The following PPM1A variants were observed in gnomAD, a reference collection of about 807,000 sequenced individuals.
PPM1A encodes protein phosphatase 1A.
A neutral mutation model predicts 35.0 loss-of-function variants in PPM1A; 7 were observed. That is an observed-to-expected ratio of 0.20 (90% CI 0.11 to 0.38). The LOEUF (loss-of-function observed/expected upper bound fraction) is 0.38, where lower values mean the gene tolerates loss of function less well. Among genes scored for constraint, PPM1A ranks in the 10% least tolerant of loss-of-function variants. The pLI, the probability that PPM1A is intolerant of heterozygous loss-of-function variation, is 1.00. For missense variants in PPM1A, 239 were observed against 467.8 expected (o/e 0.51, Z 4.51); for synonymous variants, 153 against 167.3 (o/e 0.91, Z 0.66).
chr14:60,249,118 G>T, upstream of PPM1A: 1 of 622,358 alleles, frequency 1.6e-6, no homozygotes, highest in South Asian at 6.9e-5. This position sits in a 1 kb window ranked among gnomAD's most constrained non-coding sequence, Gnocchi z 4.5. Context: ...GTAGCTGCGC[G>T]CCGCGCCGCA....
rs1431517533 is a variant in PPM1A, at chr14:60,298,045, AC to A, written c.*5564del. 1 of 151,628 alleles carries A rather than the reference AC, an allele frequency of 6.6e-6. No homozygotes were observed. The highest frequency in any genetic ancestry group is 1.5e-5 in the Non-Finnish European group (1 of 67,688). 9.4% of individuals were successfully genotyped at this position (151,628 alleles called of 1,614,324 possible). ...AGATAGGGGACCTGGCTAGAATCTG[AC>A]ATTAAAATATACTTTTTAAAAAATA... is the stretch of plus-strand genomic sequence containing the variant. On this transcript the variant is annotated 3_prime_UTR_variant, in exon 6 of 6. Coordinates refer to ENST00000395076, the MANE Select transcript of PPM1A (RefSeq NM_021003.5).
upstream of PPM1A, chr14:60,249,186 A>G (rs1010221365): frequency 1.0e-6 from 1 of 972,320 alleles, no homozygotes; most frequent in Non-Finnish European, 1.2e-6. The surrounding 1 kb of genome is among the most constrained non-coding windows in gnomAD (Gnocchi z 4.5). Context: ...GGGAGGGGCG[A>G]CGCGGTCGTG....
Position 60,291,753 on chromosome 14 carries a change from T to G in PPM1A, c.1119+299T>G, listed in dbSNP as rs865783884. On this transcript the variant is annotated intron_variant, in intron 5 of 5. Transcript: ENST00000395076. Reference sequence around the variant, plus strand: ...GAAGGTTTGCCTCCACTACATGGTTTTTTTTTTTTTTTTTTCCCGAAGTTG... The same window carrying G: ...GAAGGTTTGCCTCCACTACATGGTTGTTTTTTTTTTTTTTTCCCGAAGTTG... Among the ~76,000 whole-genome samples the G allele has an allele frequency of 9.5e-3, 1,431 of 151,252 alleles. 10 individuals carry two copies. The highest frequency in any genetic ancestry group is 0.013 in the Non-Finnish European group (865 of 67,646).
chr14:60,287,558 T>TTC (rs770539132), intron 3 of PPM1A: 69 of 985,326 alleles, frequency 7.0e-5, no homozygotes, highest in Admixed American at 1.2e-4. Flanking sequence ...CCTTTTTCTT[T>TTC]TCTCTCTCTC....
chr14:60,255,201 T>C (rs950396627), intron 1 of PPM1A, among the ~76,000 whole-genome samples: 2 of 140,478 alleles, frequency 1.4e-5, no homozygotes, highest in African/African-American at 5.9e-5. Context: ...AGACAGAGTC[T>C]CGCTCTGTCG....
At chr14:60,279,228 C>T (rs1886103901) in intron 1 of PPM1A, among the ~76,000 whole-genome samples, 1 of 152,200 alleles carries the variant, frequency 6.6e-6, no homozygotes, top group Admixed American at 6.5e-5. Context: ...AAACAATTCT[C>T]CTGCCTCAGC....
intron 1 of PPM1A, among the ~76,000 whole-genome samples, chr14:60,278,885 G>A (rs1886064332): frequency 6.6e-6 from 1 of 152,188 alleles, no homozygotes; most frequent in African/African-American, 2.4e-5. Context: ...CTAATGAGCA[G>A]TTAGGTTATT....
At position 60,296,107 on chromosome 14, in the gene PPM1A, A is replaced by T. The variant is rs554695201; in HGVS notation, c.*3625A>T. Reference sequence around the variant, plus strand: ...GGTGGGGTTTGAGTTTAAGGCATTTAAAAATGTAAATATCTCTAGCTAAAT... The same window carrying T: ...GGTGGGGTTTGAGTTTAAGGCATTTTAAAATGTAAATATCTCTAGCTAAAT... On this transcript the variant is annotated 3_prime_UTR_variant, in exon 6 of 6. Transcript: ENST00000395076. This position sits in a 1 kb window ranked among gnomAD's most constrained non-coding sequence, Gnocchi z 4.4. The T allele has an allele frequency of 6.6e-6, 1 of 151,786 alleles. No homozygotes were observed. Among genetic ancestry groups the T allele is most frequent in the African/African-American group, 2.4e-5 (1 of 41,518 alleles). The allele number at this position is 151,786 out of a possible 1,614,324, so 9.4% of individuals were successfully genotyped here.
In PPM1A at chr14:60,268,434, A is replaced by T. The variant is rs193293535; in HGVS notation, c.-20-14250A>T. ...TTACAACAATAAAATTCTATTTGTGAGGTGAGTATAGCCTGTTTGGCTTCT... is the reference window on the plus strand; with the variant it reads ...TTACAACAATAAAATTCTATTTGTGTGGTGAGTATAGCCTGTTTGGCTTCT... On this transcript the variant is annotated intron_variant, in intron 1 of 5. Transcript: ENST00000395076. 310 of 957,396 alleles carry T rather than the reference A, an allele frequency of 3.2e-4. 1 individual carries two copies. In the Middle Eastern group the frequency reaches 5.4e-3, roughly 17 times the overall value. 59.3% of individuals were successfully genotyped at this position (957,396 alleles called of 1,614,324 possible). A position where few individuals can be genotyped will look rare whatever the true frequency, so the allele number is the denominator to read the frequency against.
At chr14:60,286,680 A>T (rs1408243779) in intron 3 of PPM1A, 2 of 984,166 alleles carry the variant, frequency 2.0e-6, no homozygotes, top group South Asian at 9.4e-5. Flanking sequence ...ACTCACTTTA[A>T]TTTTTTTTCC....
chr14:60,292,772 T>C lies in PPM1A; in HGVS notation c.*290T>C, dbSNP rs1439969055. On this transcript the variant is annotated 3_prime_UTR_variant, in exon 6 of 6. Coordinates refer to ENST00000395076, the MANE Select transcript of PPM1A (RefSeq NM_021003.5). This position sits in a 1 kb window ranked among gnomAD's most constrained non-coding sequence, Gnocchi z 4.2. Reference sequence around the variant, plus strand: ...ATTTTGTTTTTTTGTAAAGTGTAATTGTCCTTGTACAAAATGCTCATATTT... The same window carrying C: ...ATTTTGTTTTTTTGTAAAGTGTAATCGTCCTTGTACAAAATGCTCATATTT... 3 of 300,654 alleles carry C rather than the reference T, an allele frequency of 1.0e-5. No individual in the cohort carries two copies. Among genetic ancestry groups the C allele is most frequent in the African/African-American group, 6.5e-5 (3 of 46,028 alleles). The allele number at this position is 300,654 out of a possible 1,614,324, so 18.6% of individuals were successfully genotyped here.
chr14:60,263,972 TAA>T (rs1235170030), intron 1 of PPM1A, among the ~76,000 whole-genome samples: 1 of 151,834 alleles, frequency 6.6e-6, no homozygotes. Context: ...TTTTTTAGCA[TAA>T]AAGAGTTTCA....
Position 60,292,344 on chromosome 14 carries a change from A to G in PPM1A, c.1120-109A>G. Reference sequence around the variant, plus strand: ...ATACTTTAAAAAACATTTATATTCTAAAAGTCATCTTTACAGAACATTATC... The same window carrying G: ...ATACTTTAAAAAACATTTATATTCTGAAAGTCATCTTTACAGAACATTATC... On this transcript the variant is annotated intron_variant, in intron 5 of 5. Transcript: ENST00000395076. This position sits in a 1 kb window ranked among gnomAD's most constrained non-coding sequence, Gnocchi z 4.2. 1 of 779,136 alleles carries G rather than the reference A, an allele frequency of 1.3e-6. No homozygotes were observed. Among genetic ancestry groups the G allele is most frequent in the Non-Finnish European group, 2.1e-6 (1 of 471,086 alleles). 48.3% of individuals were successfully genotyped at this position (779,136 alleles called of 1,614,324 possible). A position where few individuals can be genotyped will look rare whatever the true frequency, so the allele number is the denominator to read the frequency against.
chr14:60,265,508 T>C (rs1206444915), intron 1 of PPM1A, among the ~76,000 whole-genome samples: 1 of 152,240 alleles, frequency 6.6e-6, no homozygotes, highest in African/African-American at 2.4e-5. Flanking sequence ...TTTTTTAATA[T>C]TTTGTTTGTA....
rs560140282 is a variant in PPM1A at position 60,278,372 on chromosome 14, A to G, written c.-20-4312A>G. Among the ~76,000 whole-genome samples, 41 of 146,942 alleles carry G rather than the reference A, an allele frequency of 2.8e-4. No homozygotes were observed. The South Asian group carries it at 8.3e-3, about 30-fold the overall frequency. Reference sequence around the variant, plus strand: ...TTTTTTTTGACTTCTTAGTACAGGTAACTTTTGAAGGAATTCAGCTTACCT... The same window carrying G: ...TTTTTTTTGACTTCTTAGTACAGGTGACTTTTGAAGGAATTCAGCTTACCT... On this transcript the variant is annotated intron_variant, in intron 1 of 5. Transcript: ENST00000395076.
chr14:60,261,014 G>A (rs1295365567), intron 1 of PPM1A, among the ~76,000 whole-genome samples: 2 of 152,090 alleles, frequency 1.3e-5, no homozygotes, highest in African/African-American at 4.8e-5. Context: ...TTTTCACTGT[G>A]AATTGTTCAG....
In PPM1A at chr14:60,289,254, GAC is replaced by G. The variant is rs1478436974; in HGVS notation, c.953-550_953-549del. 6.6e-6 allele frequency among the ~76,000 whole-genome samples: 1 copy of G among 152,052 alleles called. No homozygotes were observed. The highest frequency in any genetic ancestry group is 2.4e-5 in the African/African-American group (1 of 41,428). ...GTACTTTAGAGAAGAATTAAACTGA[GAC>G]AGTGATGTTCAAGTACATAATCTGT... On this transcript the variant is annotated intron_variant, in intron 3 of 5. Coordinates refer to ENST00000395076, the MANE Select transcript of PPM1A (RefSeq NM_021003.5). This position sits in a 1 kb window ranked among gnomAD's most constrained non-coding sequence, Gnocchi z 4.1.
intron 3 of PPM1A, 114 bp downstream of exon 3, chr14:60,285,855 T>C: frequency 6.8e-7 from 1 of 1,465,802 alleles, no homozygotes; most frequent in East Asian, 2.5e-5. Flanking sequence ...TAGTGTCTAG[T>C]GTATGAAAGT....
rs904843371 is a variant in PPM1A, at chr14:60,273,231, C to T, written c.-20-9453C>T. 6.6e-6 allele frequency among the ~76,000 whole-genome samples: 1 copy of T among 152,022 alleles called. No homozygotes were observed. Among genetic ancestry groups the T allele is most frequent in the African/African-American group, 2.4e-5 (1 of 41,366 alleles). On this transcript the variant is annotated intron_variant, in intron 1 of 5. Transcript: ENST00000395076. This position sits in a 1 kb window ranked among gnomAD's most constrained non-coding sequence, Gnocchi z 4.3. The stretch of plus-strand genomic sequence containing the variant: ...TATACTCTGTGCTTGGGGAGTTGAC[C>T]TAGGGAACTCAAAGGAGGCTCCTTT...
Sources: allele counts gnomAD v4.1 joint callset (sites outside exome capture counted in the v4.1 genomes callset), GRCh38; gene constraint gnomAD v4.1.1; non-coding constraint Gnocchi (gnomAD v3.1); transcripts MANE v1.5; gene names NCBI Gene and HGNC (gene_info 2026-07-23, HGNC 2026-07-21).